Variants in ABCA4 observed in about 807,000 individuals in gnomAD.
ABCA4 encodes retinal-specific phospholipid-transporting ATPase ABCA4.
ABCA4 carries 196 observed loss-of-function variants against 263.7 expected under a neutral mutation model. The observed-to-expected ratio is 0.74, with a 90% CI of 0.66 to 0.84. The LOEUF is 0.84. ABCA4 is among the 40% of genes least tolerant of loss of function. ABCA4 has a pLI of 0.00. For missense variants in ABCA4, 2,792 were observed against 2,855.1 expected (o/e 0.98, Z 0.50); for synonymous variants, 1,133 against 1,094.2 (o/e 1.04, Z -0.70).
At position 94,046,982 on chromosome 1, in the gene ABCA4, G is replaced by A. The variant is rs1186054597; in HGVS notation, c.2855C>T (p.Thr952Ile). ...GRPAVDRLNITFYENQITAFL... is the reference protein window; with the variant it reads ...GRPAVDRLNIIFYENQITAFL... ...TGCGGTGATCTGGTTCTCGTAGAAG[G>A]TGATGTTCAGACGGTCCACAGCTGG... The change falls in exon 19 of 50, where the codon ACC becomes ATC. Residue 952 changes from threonine (T) to isoleucine (I), a missense_variant. Thr to Ile is a moderately conservative substitution (Grantham distance 89). Coordinates refer to ENST00000370225, the MANE Select transcript of ABCA4 (RefSeq NM_000350.3). The A allele has an allele frequency of 4.3e-6, 7 of 1,614,186 alleles. No homozygotes were observed. The highest frequency in any genetic ancestry group is 5.1e-6 in the Non-Finnish European group (6 of 1,180,042).
intron 2 of ABCA4, among the ~76,000 whole-genome samples, chr1:94,112,154 G>C (rs1662624516): frequency 6.6e-6 from 1 of 152,196 alleles, no homozygotes; most frequent in Admixed American, 6.5e-5. Context: ...ACCACATAGA[G>C]GGCCGGAAAC....
intron 5 of ABCA4, among the ~76,000 whole-genome samples, chr1:94,101,667 T>C (rs950283): frequency 0.33 from 49,546 of 152,084 alleles, 8,499 homozygotes; most frequent in Middle Eastern, 0.47. Context: ...TCTCGTTCTC[T>C]CCTGGAGTCT....
Position 94,015,746 on chromosome 1 carries a change from G to T in ABCA4, c.5305C>A (p.Leu1769Met), listed in dbSNP as rs1274228304. Reference protein sequence around the residue: ...NLPALVALLLLYGWAVIPMMY... With the variant: ...NLPALVALLLMYGWAVIPMMY... ...ATGGCCCAAACGGCTTACCCATACAGCAGGAGCAGTGCCACAAGGGCAGGA... is the reference window on the plus strand; with the variant it reads ...ATGGCCCAAACGGCTTACCCATACATCAGGAGCAGTGCCACAAGGGCAGGA... The change falls in exon 37 of 50, where the codon CTG (leucine) becomes ATG (methionine). Residue 1769 changes from leucine to methionine, a missense_variant. Physicochemically the swap from Leu to Met is conservative, Grantham distance 15 (BLOSUM62 2). Transcript: ENST00000370225. 2 of 1,612,974 alleles carry T rather than the reference G, an allele frequency of 1.2e-6. No homozygotes were observed. The highest frequency in any genetic ancestry group is 2.7e-5 in the African/African-American group (2 of 74,656).
intron 8 of ABCA4, 111 bp downstream of exon 8, chr1:94,080,367 T>C: frequency 6.8e-7 from 1 of 1,478,016 alleles, no homozygotes; most frequent in Non-Finnish European, 9.4e-7. Context: ...CTAAGGCCAC[T>C]CAGCAAGACA....
At chr1:94,016,066 C>A (rs563773025) in intron 36 of ABCA4, among the ~76,000 whole-genome samples, 1 of 152,182 alleles carries the variant, frequency 6.6e-6, no homozygotes, top group Non-Finnish European at 1.5e-5. Context: ...CCAAGGGAAC[C>A]TTTAGTTTGT....
At chr1:94,002,687 G>A (rs1248947101) in intron 44 of ABCA4, among the ~76,000 whole-genome samples, 3 of 152,126 alleles carry the variant, frequency 2.0e-5, no homozygotes, top group Non-Finnish European at 4.4e-5. Context: ...CCCTAGGTGT[G>A]CACGTGGCTC....
chr1:94,021,917 C>A lies in ABCA4; in HGVS notation c.4702G>T (p.Val1568Phe). 1 of 1,614,214 alleles carries A rather than the reference C, an allele frequency of 6.2e-7. No individual in the cohort carries two copies. ...GGISIGGKLP[V>F]VPITGEALVG... ...AGTGCTTCCCCCGTGATGGGGACGA[C>A]TGGGAGCTTTCCTCCAATGGAAATT... Residue 1568 changes from valine to phenylalanine, a missense_variant, in exon 33 of 50, where the codon GTC becomes TTC. Transcript: ENST00000370225.
chr1:94,016,798 C>T (rs72725150), intron 36 of ABCA4, among the ~76,000 whole-genome samples: 1 of 152,284 alleles, frequency 6.6e-6, no homozygotes, highest in Non-Finnish European at 1.5e-5. Context: ...ACCAATGGTG[C>T]TCCAGAGGCA....
chr1:94,025,064 A>G lies in ABCA4; in HGVS notation c.4540-16T>C, dbSNP rs1385559452. On this transcript the variant is annotated splice_polypyrimidine_tract_variant and intron_variant, in intron 30 of 49. Coordinates refer to ENST00000370225, the MANE Select transcript of ABCA4 (RefSeq NM_000350.3). The stretch of plus-strand genomic sequence containing the variant: ...GCTGTGTTCTCTGAGGCAATGAGAC[A>G]CCCACGTTAATTACCTTGGAACTTG... The G allele has an allele frequency of 6.2e-7, 1 of 1,607,914 alleles. No individual in the cohort carries two copies. The highest frequency in any genetic ancestry group is 8.5e-7 in the Non-Finnish European group (1 of 1,174,412).
rs567542316 is a variant in ABCA4, at chr1:94,102,533, C to T, written c.570+482G>A. 2.1e-4 allele frequency among the ~76,000 whole-genome samples: 32 copies of T among 152,100 alleles called. 1 individual carries two copies. Among genetic ancestry groups the T allele is most frequent in the South Asian group, 1.0e-3 (5 of 4,798 alleles). ...GTCCCTCTCTAACCCTCGACTCTACCGGATTTTCCTTGCAGCACCCATCAC... is the reference window on the plus strand; with the variant it reads ...GTCCCTCTCTAACCCTCGACTCTACTGGATTTTCCTTGCAGCACCCATCAC... On this transcript the variant is annotated intron_variant, in intron 5 of 49. Transcript: ENST00000370225.
chr1:94,048,932 G>A lies in ABCA4; in HGVS notation c.2679C>T (p.Ala893=), dbSNP rs1660763422. 1.2e-6 allele frequency: 2 copies of A among 1,614,002 alleles called. No homozygotes were observed. Among genetic ancestry groups the A allele is most frequent in the Non-Finnish European group, 1.7e-6 (2 of 1,180,024 alleles). The part of the protein sequence containing the change: ...GEGCSTREER[A]LEKTEPLTEE... ...CTGTTAGGGGCTCGGTCTTTTCCAG[G>A]GCTCTTTCTTCTCTGGTTGAACACC... Residue 893 remains alanine, a synonymous_variant, in exon 18 of 50, where the codon GCC becomes GCT. Coordinates refer to ENST00000370225, the MANE Select transcript of ABCA4 (RefSeq NM_000350.3).
rs765176802 is a variant in ABCA4, at chr1:94,031,910, C to A, written c.3996G>T (p.Gln1332His). The change falls in exon 27 of 50, where the codon CAG becomes CAT. Residue 1332 changes from glutamine to histidine, a missense_variant. By Grantham distance (24) the Gln-to-His change is conservative. Transcript: ENST00000370225. ...CTGGGCACTCTGGCTCTGGGGGAGGCTGGCCCTCTGGGTGAGCAGCCGGCG... is the reference window on the plus strand; with the variant it reads ...CTGGGCACTCTGGCTCTGGGGGAGGATGGCCCTCTGGGTGAGCAGCCGGCG... ...PGAPAAHPEG[Q>H]PPPEPECPGP... The A allele has an allele frequency of 1.9e-6, 3 of 1,614,054 alleles. No homozygotes were observed. The Admixed American group carries it at 5.0e-5, about 27-fold the overall frequency.
rs4147809 is a variant in ABCA4, at chr1:94,111,730, T to A, written c.161-151A>T. The A allele has an allele frequency of 2.9e-4, 280 of 952,634 alleles. 2 individuals are homozygous for A. The East Asian group carries it at 6.7e-3, about 23-fold the overall frequency. 59.0% of individuals were successfully genotyped at this position (952,634 alleles called of 1,614,324 possible). On this transcript the variant is annotated intron_variant, in intron 2 of 49. Transcript: ENST00000370225. The stretch of plus-strand genomic sequence containing the variant: ...TTAAGAAGCAGGAGCATCTCATGTG[T>A]GCCAGTCCCTGTGCTGGGTGCTAGA...
intron 14 of ABCA4, among the ~76,000 whole-genome samples, chr1:94,058,881 G>C (rs1439052529): frequency 6.6e-6 from 1 of 152,130 alleles, no homozygotes; most frequent in Non-Finnish European, 1.5e-5. Flanking sequence ...CCTGCTTCCA[G>C]CTTCTTTCCT....
chr1:94,031,063 G>A lies in ABCA4; in HGVS notation c.4186C>T (p.Pro1396Ser). 1.2e-6 allele frequency: 2 copies of A among 1,614,170 alleles called. No homozygotes were observed. Among genetic ancestry groups the A allele is most frequent in the East Asian group, 2.2e-5 (1 of 44,886 alleles). Residue 1396 changes from proline to serine, a missense_variant, in exon 28 of 50, where the codon CCT becomes TCT. By Grantham distance (74) the Pro-to-Ser change is moderately conservative. Transcript: ENST00000370225. ...LALMLSIVIP[P>S]FGEYPALTLH... The stretch of plus-strand genomic sequence containing the variant: ...GTCAAAGCGGGGTATTCGCCAAAAG[G>A]AGGGATAACAATAGAAAGCATCAGA...
intron 11 of ABCA4, among the ~76,000 whole-genome samples, chr1:94,063,576 T>C (rs1018610721): frequency 5.3e-5 from 8 of 152,350 alleles, no homozygotes; most frequent in Admixed American, 4.6e-4. Context: ...ACTTTCCAGA[T>C]GTCCAAGGCT....
chr1:94,078,560 C>T, intron 10 of ABCA4, 30 bp downstream of exon 10: 1 of 839,604 alleles, frequency 1.2e-6, no homozygotes, highest in Non-Finnish European at 1.9e-6. Context: ...TCCTCCTCCC[C>T]TCCCCTCCCC....
rs72958426 is a variant in ABCA4 at position 94,015,949 on chromosome 1, A to G, written c.5197-95T>C. 5,172 of 1,046,920 alleles carry G rather than the reference A, an allele frequency of 4.9e-3. 177 individuals carry two copies. The African/African-American group carries it at 0.071, about 14-fold the overall frequency. 64.9% of individuals were successfully genotyped at this position (1,046,920 alleles called of 1,614,324 possible). On this transcript the variant is annotated intron_variant, in intron 36 of 49. Coordinates refer to ENST00000370225, the MANE Select transcript of ABCA4 (RefSeq NM_000350.3). ...GTGGGGCCAGGCTCCTCCAGCTCGTAGGGTCTGGGATTCTGATTCGACTTG... is the reference window on the plus strand; with the variant it reads ...GTGGGGCCAGGCTCCTCCAGCTCGTGGGGTCTGGGATTCTGATTCGACTTG...
chr1:94,029,549 A>C lies in ABCA4; in HGVS notation c.4435T>G (p.Trp1479Gly). The change falls in exon 30 of 50, where the codon TGG (tryptophan) becomes GGG (glycine). Residue 1479 changes from tryptophan (W) to glycine (G), a missense_variant. Transcript: ENST00000370225. ...GATGGTGAAGGGTTGACCTGTGTCC[A>C]TTTCTGCTTCTGGAACAGCTGGGTG... ...NITQLFQKQK[W>G]TQVNPSPSCR... 2.5e-6 allele frequency: 4 copies of C among 1,613,494 alleles called. No individual in the cohort carries two copies. Among genetic ancestry groups the C allele is most frequent in the Non-Finnish European group, 3.4e-6 (4 of 1,179,800 alleles).
Sources: gnomAD v4.1 joint callset for allele counts (sites outside exome capture counted in the v4.1 genomes callset) on GRCh38, gnomAD v4.1.1 for gene constraint, MANE v1.5 for transcripts, NCBI Gene and HGNC (gene_info 2026-07-23, HGNC 2026-07-21) for gene names.